Variants in SERPINB6 observed in about 807,000 individuals in gnomAD.
SERPINB6 encodes the protein serpin family B member 6, also known as serpin B6.
A neutral mutation model predicts 26.1 loss-of-function variants in SERPINB6; 16 were observed. The observed-to-expected ratio is 0.61, with a 90% CI of 0.42 to 0.93. The LOEUF (loss-of-function observed/expected upper bound fraction) is 0.93. Ranked by LOEUF, SERPINB6 falls within the 40% of genes least tolerant of loss-of-function variation. The pLI is 0.00. For missense variants in SERPINB6, 420 were observed against 478.0 expected (o/e 0.88, Z 1.13); for synonymous variants, 174 against 176.6 (o/e 0.99, Z 0.11).
intron 1 of SERPINB6, chr6:2,962,098 C>T: frequency 1.0e-6 from 1 of 985,368 alleles, no homozygotes; most frequent in Non-Finnish European, 1.2e-6. Flanking sequence ...CCGGTAATAT[C>T]CCGGAGAATC....
chr6:2,963,027 G>C (rs1379298461), intron 1 of SERPINB6, among the ~76,000 whole-genome samples: 1 of 152,148 alleles, frequency 6.6e-6, no homozygotes, highest in Non-Finnish European at 1.5e-5. Flanking sequence ...TAATGAGAAA[G>C]GAGATTGTCA....
In SERPINB6 at chr6:2,948,315, G is replaced by A. The variant is rs201117044; in HGVS notation, c.1114C>T (p.Arg372Cys). Residue 372 changes from arginine to cysteine, a missense_variant, in exon 7 of 7, where the codon CGC becomes TGC. By Grantham distance (180) the Arg-to-Cys change is radical (BLOSUM62 -3). Transcript: ENST00000380539. This position sits in a 1 kb window ranked among gnomAD's most constrained non-coding sequence, Gnocchi z 5.0. ...CCCTGTCCTCACGGAGAGGAAAAGC[G>A]GCCGCAGAAGAGAATCCCGTTGGTC... ...SKTNGILFCG[R>C]FSSP 1.5e-5 allele frequency: 24 copies of A among 1,613,804 alleles called. No individual in the cohort carries two copies. The highest frequency in any genetic ancestry group is 1.3e-4 in the Admixed American group (8 of 60,018).
intron 3 of SERPINB6, 31 bp from the exon 4 acceptor site, chr6:2,954,740 G>C: frequency 1.3e-6 from 2 of 1,511,558 alleles, no homozygotes; most frequent in Non-Finnish European, 1.8e-6. Flanking sequence ...TAACTGCCTG[G>C]CTACAAAAAT....
chr6:2,971,111 G>T, intron 1 of SERPINB6: 1 of 1,070,292 alleles, frequency 9.3e-7, no homozygotes, highest in Non-Finnish European at 1.1e-6. Context: ...GGCCGACCGG[G>T]GTCACCTGTG....
At chr6:2,961,895 C>CA (rs1581264670) in intron 1 of SERPINB6, 2 of 858,736 alleles carry the variant, frequency 2.3e-6, no homozygotes, top group East Asian at 2.4e-4. Context: ...GACTCTTACG[C>CA]TTTTTTTTTT....
rs764253709 is a variant in SERPINB6, at chr6:2,948,643, C to T, written c.786G>A (p.Met262Ile). Residue 262 changes from methionine (M) to isoleucine (I), a missense_variant, in exon 7 of 7, where the codon ATG becomes ATA. Met to Ile is a conservative substitution (Grantham distance 10). Coordinates refer to ENST00000380539, the MANE Select transcript of SERPINB6 (RefSeq NM_004568.6). This position sits in a 1 kb window ranked among gnomAD's most constrained non-coding sequence, Gnocchi z 5.0. ...KFVEWTRLDM[M>I]DEEEVEVSLP... ...GGGACACTTCCACCTCCTCTTCATC[C>T]ATCATGTCCAGCCTCGTCCATTCTA... 3 of 1,614,106 alleles carry T rather than the reference C, an allele frequency of 1.9e-6. No homozygotes were observed. Among genetic ancestry groups the T allele is most frequent in the East Asian group, 2.2e-5 (1 of 44,888 alleles).
chr6:2,965,925 A>G (rs1771590325), intron 1 of SERPINB6, among the ~76,000 whole-genome samples: 1 of 152,236 alleles, frequency 6.6e-6, no homozygotes, highest in African/African-American at 2.4e-5. Flanking sequence ...TTTGATGCCA[A>G]GCATATCTGA....
chr6:2,965,951 T>C (rs1050104776), intron 1 of SERPINB6, among the ~76,000 whole-genome samples: 3 of 152,202 alleles, frequency 2.0e-5, no homozygotes, highest in African/African-American at 7.2e-5. Flanking sequence ...TAGGGCAGCT[T>C]TGAGCTCCAA....
Position 2,953,158 on chromosome 6 carries a change from G to T in SERPINB6, c.459C>A (p.Gly153=), listed in dbSNP as rs1736394727. ...EGKIAELLSP[G]SVDPLTRLVL... ...CCAGCCTTGTCAATGGATCCACTGAGCCCGGAGAGAGCAACTCCGCAATTT... is the reference window on the plus strand; with the variant it reads ...CCAGCCTTGTCAATGGATCCACTGATCCCGGAGAGAGCAACTCCGCAATTT... Residue 153 remains glycine (G), a synonymous_variant, in exon 5 of 7, where the codon GGC becomes GGA. Coordinates refer to ENST00000380539, the MANE Select transcript of SERPINB6 (RefSeq NM_004568.6). 1 of 1,614,202 alleles carries T rather than the reference G, an allele frequency of 6.2e-7. No individual in the cohort carries two copies. Among genetic ancestry groups the T allele is most frequent in the African/African-American group, 1.3e-5 (1 of 75,046 alleles).
chr6:2,971,186 G>A (rs999720940), intron 1 of SERPINB6: 66 of 991,156 alleles, frequency 6.7e-5, no homozygotes, highest in South Asian at 2.3e-4. Context: ...GCTGGGCCTG[G>A]GCGCCCGGGG....
In SERPINB6 at chr6:2,967,087, G is replaced by C. The variant is rs970323130; in HGVS notation, c.-11+4446C>G. On this transcript the variant is annotated intron_variant, in intron 1 of 6. Transcript: ENST00000380539. This position sits in a 1 kb window ranked among gnomAD's most constrained non-coding sequence, Gnocchi z 4.3. ...CTTTCTCCAGGCTGTGACACACACA[G>C]AAAATGATGTTTGTATGTCACTTTG... 1.6e-5 allele frequency: 16 copies of C among 985,042 alleles called. No individual in the cohort carries two copies. The highest frequency in any genetic ancestry group is 1.9e-5 in the Non-Finnish European group (16 of 829,704). The allele number at this position is 985,042 out of a possible 1,614,324, so 61.0% of individuals were successfully genotyped here.
Position 2,971,565 on chromosome 6 carries a change from G to A in SERPINB6, c.-43C>T, listed in dbSNP as rs1185811322. The A allele has an allele frequency of 6.6e-6, 1 of 152,268 alleles. No individual in the cohort carries two copies. Among genetic ancestry groups the A allele is most frequent in the South Asian group, 2.1e-4 (1 of 4,836 alleles). The allele number at this position is 152,268 out of a possible 1,614,324, so 9.4% of individuals were successfully genotyped here. A position where few individuals can be genotyped will look rare whatever the true frequency, so the allele number is the denominator to read the frequency against. ...CGGGGAGCGAGCGAGCAGAACGGCG[G>A]GCAGAGGCGCCGGAGCCGCCCCGGA... On this transcript the variant is annotated 5_prime_UTR_variant, in exon 1 of 7. Coordinates refer to ENST00000380539, the MANE Select transcript of SERPINB6 (RefSeq NM_004568.6).
chr6:2,968,131 G>A (rs1771802526), intron 1 of SERPINB6: 1 of 152,216 alleles, frequency 6.6e-6, no homozygotes, highest in Non-Finnish European at 1.5e-5. Flanking sequence ...AAAAAAGAAT[G>A]AGATCATGTG....
Position 2,948,711 on chromosome 6 carries a change from C to G in SERPINB6, c.730-12G>C. 8 of 1,613,490 alleles carry G rather than the reference C, an allele frequency of 5.0e-6. No individual in the cohort carries two copies. Among genetic ancestry groups the G allele is most frequent in the Non-Finnish European group, 6.8e-6 (8 of 1,179,442 alleles). On this transcript the variant is annotated splice_polypyrimidine_tract_variant and intron_variant, in intron 6 of 6. Transcript: ENST00000380539. This position sits in a 1 kb window ranked among gnomAD's most constrained non-coding sequence, Gnocchi z 5.0. ...AGTTCTTTCTCCACCTAGAGGGAGA[C>G]AGTTGAAGACTTTAAGACCCAGGGT...
rs1771762709 is a variant in SERPINB6, at chr6:2,967,741, G to A, written c.-11+3792C>T. The A allele has an allele frequency of 6.6e-6, 1 of 152,180 alleles. No homozygotes were observed. Among genetic ancestry groups the A allele is most frequent in the Non-Finnish European group, 1.5e-5 (1 of 68,038 alleles). 9.4% of individuals were successfully genotyped at this position (152,180 alleles called of 1,614,324 possible). On this transcript the variant is annotated intron_variant, in intron 1 of 6. Coordinates refer to ENST00000380539, the MANE Select transcript of SERPINB6 (RefSeq NM_004568.6). The surrounding 1 kb of genome is among the most constrained non-coding windows in gnomAD (Gnocchi z 4.3). ...GAGAAATGCAAATCAAAACCACAAT[G>A]AGATACCATCTCACGCCAGTCAGAA...
At chr6:2,955,913 C>G in intron 2 of SERPINB6, 1 of 430,922 alleles carries the variant, frequency 2.3e-6, no homozygotes, top group Non-Finnish European at 4.3e-6. Context: ...CCCATCTCTA[C>G]TAAACACACA....
At chr6:2,970,957 A>G (rs1581291427) in intron 1 of SERPINB6, 1 of 1,225,506 alleles carries the variant, frequency 8.2e-7, no homozygotes, top group East Asian at 3.2e-5. Flanking sequence ...CAGTGAACAC[A>G]CGCAGGGGGC....
chr6:2,948,892 T>TCGCTCACAGCTTAGCTGTTAC lies in SERPINB6; in HGVS notation c.729+1_729+21dup. On this transcript the variant is annotated intron_variant, in intron 6 of 6. Transcript: ENST00000380539. The surrounding 1 kb of genome is among the most constrained non-coding windows in gnomAD (Gnocchi z 5.0). ...CCGAGTGGCTCCTTGCTAGCACGCC[T>TCGCTCACAGCTTAGCTGTTAC]CGCTCACAGCTTAGCTGTTACCGTT... is the stretch of plus-strand genomic sequence containing the variant. 1 of 1,614,148 alleles carries TCGCTCACAGCTTAGCTGTTAC rather than the reference T, an allele frequency of 6.2e-7. No homozygotes were observed. The highest frequency in any genetic ancestry group is 1.1e-5 in the South Asian group (1 of 91,082).
At chr6:2,958,957 A>G (rs1477565742) in intron 2 of SERPINB6, among the ~76,000 whole-genome samples, 1 of 152,014 alleles carries the variant, frequency 6.6e-6, no homozygotes, top group African/African-American at 2.4e-5. Context: ...ATTCCTCTGA[A>G]TCGGGCGCCC....
Sources: allele counts gnomAD v4.1 joint callset (sites outside exome capture counted in the v4.1 genomes callset), GRCh38; gene constraint gnomAD v4.1.1; non-coding constraint Gnocchi (gnomAD v3.1); transcripts MANE v1.5; gene names NCBI Gene and HGNC (gene_info 2026-07-23, HGNC 2026-07-21).